The following SGCD variants were observed in gnomAD, a reference collection of about 807,000 sequenced individuals.
SGCD encodes sarcoglycan delta.
In SGCD, 18 loss-of-function variants were observed where a neutral mutation model predicts 36.6. The observed-to-expected ratio is 0.49, with a 90% CI of 0.34 to 0.73. SGCD has a LOEUF of 0.73. Among genes scored for constraint, SGCD ranks in the 30% least tolerant of loss-of-function variants. The pLI is 0.01. For missense variants in SGCD, 387 were observed against 346.7 expected (o/e 1.12, Z -0.92); for synonymous variants, 133 against 130.6 (o/e 1.02, Z -0.12).
chr5:155,852,411 A>G, the SGCD span, among the ~76,000 whole-genome samples: 1 of 152,176 alleles, frequency 6.6e-6, no homozygotes. Flanking sequence ...AATTGAAAAC[A>G]TGTGAACCCA....
chr5:156,196,391 A>G (rs1431430815), intron 3 of SGCD, among the ~76,000 whole-genome samples: 2 of 152,342 alleles, frequency 1.3e-5, no homozygotes, highest in African/African-American at 4.8e-5. Flanking sequence ...CAGCTGGAGA[A>G]TAGACATTTC....
intron 1 of SGCD, among the ~76,000 whole-genome samples, chr5:156,076,486 G>T (rs1411834697): frequency 6.6e-6 from 1 of 152,036 alleles, no homozygotes; most frequent in Non-Finnish European, 1.5e-5. Context: ...AATTTCTAAG[G>T]CATGTGGGAA....
intron 6 of SGCD, among the ~76,000 whole-genome samples, chr5:156,618,090 G>C (rs772369618): frequency 2.0e-5 from 3 of 151,902 alleles, no homozygotes; most frequent in African/African-American, 7.3e-5. Context: ...TCATCAGTAC[G>C]CAGAAGGAAG....
chr5:156,377,601 A>G (rs1044692775), intron 3 of SGCD, among the ~76,000 whole-genome samples: 4 of 152,314 alleles, frequency 2.6e-5, no homozygotes, highest in Middle Eastern at 3.4e-3. Context: ...AATGGAGTAC[A>G]TGAATGGATG....
intron 7 of SGCD, among the ~76,000 whole-genome samples, chr5:156,650,164 T>A (rs1763408022): frequency 6.6e-6 from 1 of 152,132 alleles, no homozygotes; most frequent in Admixed American, 6.6e-5. Flanking sequence ...ACACAACTTA[T>A]AAACAACCCT....
chr5:156,338,166 T>TCTTG (rs112827812), intron 2 of SGCD, among the ~76,000 whole-genome samples: 26,141 of 151,746 alleles, frequency 0.17, 3,309 homozygotes, highest in African/African-American at 0.36. Context: ...TCACTGGGTT[T>TCTTG]TTTGTTTGTT....
chr5:156,582,948 A>G (rs183043143), intron 4 of SGCD, among the ~76,000 whole-genome samples: 207 of 152,320 alleles, frequency 1.4e-3, no homozygotes, highest in Middle Eastern at 6.8e-3. Flanking sequence ...ATTACCTTTA[A>G]GTTAACAATT....
chr5:156,375,397 T>C (rs1234256966), intron 3 of SGCD, among the ~76,000 whole-genome samples: 2 of 26,664 alleles, frequency 7.5e-5, no homozygotes, highest in African/African-American at 2.6e-4. Context: ...CTTCACAGCT[T>C]TTTTTTTTTT....
At chr5:156,668,078 A>G (rs112607018) in intron 7 of SGCD, among the ~76,000 whole-genome samples, 12 of 152,182 alleles carry the variant, frequency 7.9e-5, no homozygotes, top group African/African-American at 1.2e-4. Flanking sequence ...TGTTGCCTCT[A>G]TTTTTTCATT....
At chr5:156,554,426 A>G (rs1758925868) in intron 4 of SGCD, among the ~76,000 whole-genome samples, 1 of 151,296 alleles carries the variant, frequency 6.6e-6, no homozygotes, top group Non-Finnish European at 1.5e-5. Flanking sequence ...ATATTTTTAT[A>G]ATCTATTTTG....
intron 3 of SGCD, among the ~76,000 whole-genome samples, chr5:156,483,864 G>A (rs1755545742): frequency 6.6e-6 from 1 of 152,242 alleles, no homozygotes. Context: ...ACAGTGCTCA[G>A]AGCAAGTGCA....
At chr5:156,495,205 T>G (rs1756130223) in intron 3 of SGCD, among the ~76,000 whole-genome samples, 1 of 152,166 alleles carries the variant, frequency 6.6e-6, no homozygotes, top group Non-Finnish European at 1.5e-5. Context: ...GGACCACTAC[T>G]GCTTCTCTTT....
intron 1 of SGCD, among the ~76,000 whole-genome samples, chr5:156,021,052 G>C (rs181572703): frequency 1.3e-5 from 2 of 152,272 alleles, no homozygotes; most frequent in South Asian, 2.1e-4. Flanking sequence ...TATTTTGCTT[G>C]AGGACATTTA....
chr5:155,828,336 C>A, the SGCD span, among the ~76,000 whole-genome samples: 3 of 152,104 alleles, frequency 2.0e-5, no homozygotes, highest in Non-Finnish European at 4.4e-5. Flanking sequence ...AATTTAAACC[C>A]AGAGCAGTTT....
chr5:155,881,725 T>C (rs1417813525), intron 1 of SGCD, among the ~76,000 whole-genome samples: 1 of 152,244 alleles, frequency 6.6e-6, no homozygotes, highest in East Asian at 1.9e-4. Flanking sequence ...TCTTTCAAAA[T>C]TGGAGTTGAT....
chr5:156,127,854 C>CAAAAAAAAAAAAAAAAAA, intron 3 of SGCD, among the ~76,000 whole-genome samples: 1 of 18,438 alleles, frequency 5.4e-5, no homozygotes, highest in Non-Finnish European at 9.8e-5. Flanking sequence ...AACATAAATG[C>CAAAAAAAAAAAAAAAAAA]AAAAAAAAAA....
intron 1 of SGCD, among the ~76,000 whole-genome samples, chr5:155,906,303 C>T (rs956706798): frequency 1.3e-5 from 2 of 152,054 alleles, no homozygotes; most frequent in African/African-American, 4.8e-5. Flanking sequence ...CAATCATACT[C>T]ACACTAGGCC....
intron 3 of SGCD, among the ~76,000 whole-genome samples, chr5:156,203,257 A>G (rs925613063): frequency 9.2e-5 from 14 of 152,060 alleles, no homozygotes; most frequent in African/African-American, 3.4e-4. Flanking sequence ...ATCTTTAACT[A>G]TTTGGATATT....
At chr5:156,127,910 A>C (rs1312526171) in intron 3 of SGCD, among the ~76,000 whole-genome samples, 1 of 151,058 alleles carries the variant, frequency 6.6e-6, no homozygotes, top group African/African-American at 2.4e-5. Context: ...AACAAAAGCT[A>C]GAATACCTTT....
Sources: gnomAD v4.1 joint callset for allele counts (sites outside exome capture counted in the v4.1 genomes callset) on GRCh38, gnomAD v4.1.1 for gene constraint, MANE v1.5 for transcripts, NCBI Gene and HGNC (gene_info 2026-07-23, HGNC 2026-07-21) for gene names.